The following NANS variants were observed in gnomAD, a reference collection of about 807,000 sequenced individuals.
NANS encodes N-acetylneuraminate synthase, also known as N-acetylneuraminate-9-phosphate synthase.
NANS carries 29 observed loss-of-function variants against 33.3 expected under a neutral mutation model. That is an observed-to-expected ratio of 0.87 (90% confidence interval 0.65 to 1.19). NANS has a LOEUF of 1.19. Ranked by LOEUF, NANS falls within the 50% of genes most tolerant of loss-of-function variation. The probability of loss-of-function intolerance (pLI) is 0.00; values close to 1 mark genes in which losing one functional copy is unlikely to be tolerated. For synonymous variants in NANS, 163 were observed against 177.2 expected (o/e 0.92, Z 0.64); for missense variants, 394 against 461.1 (o/e 0.85, Z 1.33).
chr9:98,060,655 A>T (rs1828947003), intron 1 of NANS, 127 bp from the exon 2 acceptor site: 2 of 928,664 alleles, frequency 2.2e-6, no homozygotes, highest in Non-Finnish European at 3.3e-6. Context: ...TGGGTGAAAG[A>T]GCGAAACTCT....
chr9:98,072,105 G>A (rs940371461), intron 2 of NANS, among the ~76,000 whole-genome samples: 3 of 152,152 alleles, frequency 2.0e-5, no homozygotes, highest in African/African-American at 7.2e-5. Flanking sequence ...CTCAGCTCCT[G>A]GTGCTCACAC....
At chr9:98,078,667 C>T (rs536934097) in intron 4 of NANS, among the ~76,000 whole-genome samples, 1 of 151,918 alleles carries the variant, frequency 6.6e-6, no homozygotes, top group Admixed American at 6.6e-5. Flanking sequence ...GAAACCCCTT[C>T]TTATTAAAAA....
chr9:98,058,698 G>T (rs1828893168), intron 1 of NANS, among the ~76,000 whole-genome samples: 1 of 152,190 alleles, frequency 6.6e-6, no homozygotes, highest in South Asian at 2.1e-4. Context: ...GGCTGAGGAA[G>T]GCAGATTGCT....
At chr9:98,075,150 TA>T (rs200760287) in intron 2 of NANS, 25,624 of 137,442 alleles carry the variant, frequency 0.19, 2,267 homozygotes, top group Admixed American at 0.24. Flanking sequence ...CACAGCAAAT[TA>T]AAAAAAAAAA....
chr9:98,056,746 A>C lies in NANS; in HGVS notation c.-63A>C. 3 of 1,567,786 alleles carry C rather than the reference A, an allele frequency of 1.9e-6. No homozygotes were observed. Among genetic ancestry groups the C allele is most frequent in the Non-Finnish European group, 2.6e-6 (3 of 1,160,224 alleles). ...CAGCGTTGCTCACAGAACAGAGTAG[A>C]GGCGGCGGCGGCGGCGGCCGGACCC... On this transcript the variant is annotated 5_prime_UTR_variant, in exon 1 of 6. Coordinates refer to ENST00000210444, the MANE Select transcript of NANS (RefSeq NM_018946.4).
rs1829955743 is a variant in NANS, at chr9:98,082,991, T to C, written c.1016T>C (p.Val339Ala). Residue 339 changes from valine (V) to alanine (A), a missense_variant, in exon 6 of 6, where the codon GTT (valine) becomes GCT (alanine). Val to Ala is a moderately conservative substitution (Grantham distance 64). Transcript: ENST00000210444. ...NLVGKKVLVT[V>A]EEDDTIMEEL... ...GTGGGCAAGAAGGTCCTGGTCACTG[T>C]TGAAGAGGATGACACCATCATGGAA... 6.2e-7 allele frequency: 1 copy of C among 1,614,022 alleles called. No homozygotes were observed.
At chr9:98,081,315 A>G in intron 5 of NANS, 1 of 579,052 alleles carries the variant, frequency 1.7e-6, no homozygotes, top group Middle Eastern at 4.7e-4. Flanking sequence ...TTCTCTGGCC[A>G]CCTAGGGTCA....
chr9:98,061,516 T>A (rs1416113439), intron 2 of NANS, among the ~76,000 whole-genome samples: 1 of 145,276 alleles, frequency 6.9e-6, no homozygotes, highest in Non-Finnish European at 1.5e-5. Context: ...GCGCGGTGTC[T>A]CACACCTGTA....
chr9:98,080,302 AAG>A (rs995569406), intron 4 of NANS, among the ~76,000 whole-genome samples: 12 of 152,216 alleles, frequency 7.9e-5, no homozygotes, highest in Admixed American at 3.3e-4. Context: ...CCTCACCAAC[AAG>A]ACTCACCCAT....
intron 1 of NANS, among the ~76,000 whole-genome samples, chr9:98,059,956 C>T (rs1828930078): frequency 6.6e-6 from 1 of 152,170 alleles, no homozygotes; most frequent in South Asian, 2.1e-4. Context: ...CTGGATGTTC[C>T]TGTCCCTGAG....
At chr9:98,067,303 C>G (rs1829176762) in intron 2 of NANS, among the ~76,000 whole-genome samples, 1 of 152,152 alleles carries the variant, frequency 6.6e-6, no homozygotes, top group African/African-American at 2.4e-5. Flanking sequence ...CCTGGTAACT[C>G]TATGTTTAAC....
At chr9:98,080,184 A>G (rs1829790473) in intron 4 of NANS, among the ~76,000 whole-genome samples, 1 of 152,258 alleles carries the variant, frequency 6.6e-6, no homozygotes, top group Admixed American at 6.5e-5. Context: ...ATTGCACTCC[A>G]GCCTTGGTGA....
At chr9:98,058,195 G>T (rs1005146987) in intron 1 of NANS, among the ~76,000 whole-genome samples, 1 of 152,130 alleles carries the variant, frequency 6.6e-6, no homozygotes, top group Non-Finnish European at 1.5e-5. Flanking sequence ...GGGATTACAG[G>T]TGTGAGCCAC....
In NANS at chr9:98,065,483, A is replaced by ATTT. The variant is rs397837187; in HGVS notation, c.348+4511_348+4513dup. 1.1e-3 allele frequency among the ~76,000 whole-genome samples: 66 copies of ATTT among 58,626 alleles called. 2 individuals carry two copies. Among genetic ancestry groups the ATTT allele is most frequent in the African/African-American group, 1.6e-3 (17 of 10,534 alleles). The allele number at this position is 58,626 out of a possible 152,430, so 38.5% of individuals were successfully genotyped here. A position where few individuals can be genotyped will look rare whatever the true frequency, so the allele number is the denominator to read the frequency against. On this transcript the variant is annotated intron_variant, in intron 2 of 5. Coordinates refer to ENST00000210444, the MANE Select transcript of NANS (RefSeq NM_018946.4). Reference sequence around the variant, plus strand: ...AGGCGTCCACCACCATGCCCAGCTAATTTTTTTTTTTTTTTTTTTTTTTTT... The same window carrying ATTT: ...AGGCGTCCACCACCATGCCCAGCTAATTTTTTTTTTTTTTTTTTTTTTTTTTTT...
At chr9:98,067,897 T>C (rs1218609378) in intron 2 of NANS, among the ~76,000 whole-genome samples, 29 of 152,104 alleles carry the variant, frequency 1.9e-4, no homozygotes. Flanking sequence ...AATTTTTGTA[T>C]TTTTTGTAGA....
intron 5 of NANS, among the ~76,000 whole-genome samples, 162 bp from the exon 6 acceptor site, chr9:98,082,684 C>T (rs1829931201): frequency 6.6e-6 from 1 of 152,180 alleles, no homozygotes; most frequent in Admixed American, 6.5e-5. Flanking sequence ...TGGTTGAATT[C>T]CTGCCATGTA....
Position 98,083,000 on chromosome 9 carries a change from A to G in NANS, c.1025A>G (p.Asp342Gly), listed in dbSNP as rs1209531500. 6.2e-7 allele frequency: 1 copy of G among 1,614,214 alleles called. No homozygotes were observed. The highest frequency in any genetic ancestry group is 1.3e-5 in the African/African-American group (1 of 75,048). Residue 342 changes from aspartate to glycine, a missense_variant, in exon 6 of 6, where the codon GAT (aspartate) becomes GGT (glycine). Physicochemically the swap from Asp to Gly is moderately conservative, Grantham distance 94 (BLOSUM62 -1). Transcript: ENST00000210444. Reference protein sequence around the residue: ...GKKVLVTVEEDDTIMEELVDN... With the variant: ...GKKVLVTVEEGDTIMEELVDN... ...AAGGTCCTGGTCACTGTTGAAGAGG[A>G]TGACACCATCATGGAAGAATTGGTA...
At chr9:98,079,979 T>C (rs1016972816) in intron 4 of NANS, among the ~76,000 whole-genome samples, 2 of 152,218 alleles carry the variant, frequency 1.3e-5, no homozygotes, top group African/African-American at 4.8e-5. Flanking sequence ...TTTGGGAGGC[T>C]GAGGCAGGTG....
chr9:98,082,993 GAA>G lies in NANS; in HGVS notation c.1019_1020del (p.Glu340GlyfsTer3). 6.2e-7 allele frequency: 1 copy of G among 1,614,184 alleles called. No homozygotes were observed. The highest frequency in any genetic ancestry group is 8.5e-7 in the Non-Finnish European group (1 of 1,180,034). ...LVGKKVLVTVEEDDTIMEELV... is the reference protein window; with the variant it reads ...LVGKKVLVTVXEDDTIMEELV... Reference sequence around the variant, plus strand: ...GGGCAAGAAGGTCCTGGTCACTGTTGAAGAGGATGACACCATCATGGAAGAAT... The same window carrying G: ...GGGCAAGAAGGTCCTGGTCACTGTTGGAGGATGACACCATCATGGAAGAAT... On this transcript the variant is annotated frameshift_variant, in exon 6 of 6. Transcript: ENST00000210444. LOFTEE classifies it high-confidence loss of function.
Sources: allele counts gnomAD v4.1 joint callset (sites outside exome capture counted in the v4.1 genomes callset), GRCh38; gene constraint gnomAD v4.1.1; transcripts MANE v1.5; gene names NCBI Gene and HGNC (gene_info 2026-07-23, HGNC 2026-07-21).